UGT1A7: variants seen among roughly 807,000 people sequenced by gnomAD.
The protein encoded by UGT1A7 is UDP glucuronosyltransferase family 1 member A7.
UGT1A7 carries 33 observed loss-of-function variants against 45.6 expected under a neutral mutation model. The observed-to-expected ratio is 0.72, with a 90% CI of 0.55 to 0.97. UGT1A7 has a LOEUF of 0.97. Ranked by LOEUF, UGT1A7 falls within the 50% of genes least tolerant of loss-of-function variation. UGT1A7 has a pLI of 0.00. For synonymous variants in UGT1A7, 274 were observed against 250.6 expected, an observed-to-expected ratio of 1.09 and a Z score of -0.88; for missense variants, 684 against 666.2, an observed-to-expected ratio of 1.03 and a Z score of -0.29.
At chr2:233,759,897 C>T (rs1697281775) in intron 1 of UGT1A7, among the ~76,000 whole-genome samples, 1 of 152,134 alleles carries the variant, frequency 6.6e-6, no homozygotes, top group Non-Finnish European at 1.5e-5. Flanking sequence ...TTCTAAAAGG[C>T]TTTCTAAAAA....
At chr2:233,762,211 C>A (rs1050554515) in intron 1 of UGT1A7, among the ~76,000 whole-genome samples, 4 of 152,108 alleles carry the variant, frequency 2.6e-5, no homozygotes, top group Non-Finnish European at 5.9e-5. Context: ...GTATTTGGCG[C>A]CCCATAAATC....
chr2:233,748,324 T>A (rs1693918932), intron 1 of UGT1A7, among the ~76,000 whole-genome samples: 2 of 151,746 alleles, frequency 1.3e-5, no homozygotes, highest in South Asian at 4.1e-4. Flanking sequence ...AGGACTGATG[T>A]GACTCATGGA....
chr2:233,761,836 A>C (rs1697880138), intron 1 of UGT1A7, among the ~76,000 whole-genome samples: 1 of 152,212 alleles, frequency 6.6e-6, no homozygotes, highest in African/African-American at 2.4e-5. Flanking sequence ...ATGGAGCGTT[A>C]GGGAATTACT....
intron 1 of UGT1A7, among the ~76,000 whole-genome samples, chr2:233,725,738 A>G (rs1198511442): frequency 6.6e-6 from 1 of 152,210 alleles, no homozygotes; most frequent in Non-Finnish European, 1.5e-5. Flanking sequence ...ACAAATGTAA[A>G]CATTGTAAGA....
chr2:233,762,314 C>T (rs548976022), intron 1 of UGT1A7, among the ~76,000 whole-genome samples: 27 of 152,272 alleles, frequency 1.8e-4, no homozygotes, highest in African/African-American at 5.3e-4. Context: ...GTTAATGGGT[C>T]GAGAGTAATC....
intron 1 of UGT1A7, among the ~76,000 whole-genome samples, chr2:233,766,742 G>T (rs1249550835): frequency 6.6e-6 from 1 of 152,146 alleles, no homozygotes; most frequent in African/African-American, 2.4e-5. Context: ...GTATGTACAG[G>T]TGTGTGCATG....
intron 4 of UGT1A7, among the ~76,000 whole-genome samples, chr2:233,771,794 C>G (rs913626995): frequency 6.8e-6 from 1 of 146,546 alleles, no homozygotes; most frequent in Non-Finnish European, 1.5e-5. Flanking sequence ...CTCCCTCCCT[C>G]CCTCCCTCCC....
intron 1 of UGT1A7, chr2:233,743,631 G>A: frequency 7.3e-7 from 1 of 1,367,310 alleles, no homozygotes; most frequent in South Asian, 1.1e-5. Flanking sequence ...ACGTCGGCTG[G>A]GTCGCGGAAG....
chr2:233,712,754 C>G (rs910147754), intron 1 of UGT1A7, among the ~76,000 whole-genome samples: 49 of 151,866 alleles, frequency 3.2e-4, no homozygotes, highest in Admixed American at 2.4e-3. Context: ...TTCCCCAGAG[C>G]GAGCGCAAGG....
chr2:233,724,617 C>G (rs553228713), intron 1 of UGT1A7, among the ~76,000 whole-genome samples: 1 of 135,362 alleles, frequency 7.4e-6, no homozygotes, highest in South Asian at 2.8e-4. Flanking sequence ...CGGGCAGAGA[C>G]GCTCCTCACT....
At chr2:233,737,433 A>G (rs1419343847) in intron 1 of UGT1A7, among the ~76,000 whole-genome samples, 1 of 152,146 alleles carries the variant, frequency 6.6e-6, no homozygotes, top group Non-Finnish European at 1.5e-5. Context: ...TTTGGGTGGG[A>G]GTGTCCCGTT....
chr2:233,717,641 G>A (rs869283), intron 1 of UGT1A7: 163,407 of 385,870 alleles, frequency 0.42, 37,925 homozygotes, highest in African/African-American at 0.72. Flanking sequence ...ATCCTGGGGC[G>A]ACCAGGACAA....
chr2:233,754,950 C>T lies in UGT1A7; in HGVS notation c.856-12084C>T, dbSNP rs186689116. ...CAAGAGGTCAAAGGAGAATGGGTCC[C>T]GGCCGCCAAAGAACTCCCTGAAGAC... On this transcript the variant is annotated intron_variant, in intron 1 of 4. Transcript: ENST00000373426. The T allele has an allele frequency of 1.7e-3, 2,306 of 1,324,608 alleles. 28 individuals carry two copies. In the African/African-American group the frequency reaches 0.028, roughly 16 times the overall value. The allele number at this position is 1,324,608 out of a possible 1,614,324, so 82.1% of individuals were successfully genotyped here.
chr2:233,704,405 A>G (rs761303272), intron 1 of UGT1A7, among the ~76,000 whole-genome samples: 1 of 152,010 alleles, frequency 6.6e-6, no homozygotes, highest in Non-Finnish European at 1.5e-5. Context: ...TATCTACTTC[A>G]GATTTATACC....
chr2:233,727,605 T>G (rs973059053), intron 1 of UGT1A7, among the ~76,000 whole-genome samples: 2 of 152,184 alleles, frequency 1.3e-5, no homozygotes, highest in African/African-American at 4.8e-5. Flanking sequence ...GTTGGAGGAA[T>G]AGTTCAGAGG....
chr2:233,713,530 T>C (rs1170777444), intron 1 of UGT1A7: 2 of 1,613,964 alleles, frequency 1.2e-6, no homozygotes, highest in Non-Finnish European at 1.7e-6. Context: ...CCATGTGATT[T>C]AGACTTTAAG....
intron 1 of UGT1A7, among the ~76,000 whole-genome samples, chr2:233,712,498 ATGT>A (rs1196672713): frequency 6.6e-6 from 1 of 152,200 alleles, no homozygotes; most frequent in Non-Finnish European, 1.5e-5. Context: ...TGGCTTAGCA[ATGT>A]TGTCTGCATT....
chr2:233,708,408 G>A (rs1167120338), intron 1 of UGT1A7: 1 of 152,066 alleles, frequency 6.6e-6, no homozygotes, highest in African/African-American at 2.4e-5. Context: ...TCATCAAGTT[G>A]TTTCACCAGT....
chr2:233,736,380 T>C (rs544849081), intron 1 of UGT1A7, among the ~76,000 whole-genome samples: 2 of 152,342 alleles, frequency 1.3e-5, no homozygotes, highest in South Asian at 4.1e-4. Flanking sequence ...TAAGGTCTTC[T>C]CTACAGTGTT....
Sources: gnomAD v4.1 joint callset for allele counts (sites outside exome capture counted in the v4.1 genomes callset) on GRCh38, gnomAD v4.1.1 for gene constraint, MANE v1.5 for transcripts, NCBI Gene and HGNC (gene_info 2026-07-23, HGNC 2026-07-21) for gene names.